SYCP2: variants seen among roughly 807,000 people sequenced by gnomAD.
The protein encoded by SYCP2 is synaptonemal complex lateral element protein.
In SYCP2, 55 loss-of-function variants were observed where a neutral mutation model predicts 211.3. The observed-to-expected ratio is 0.26, with a 90% CI of 0.21 to 0.33. The LOEUF (loss-of-function observed/expected upper bound fraction) is 0.33, where lower values mean the gene tolerates loss of function less well. Ranked by LOEUF, SYCP2 falls within the 10% of genes least tolerant of loss-of-function variation. SYCP2 has a pLI of 1.00. For synonymous variants in SYCP2, 570 were observed against 555.2 expected (o/e 1.03, Z -0.37); for missense variants, 1,731 against 1,752.0 (o/e 0.99, Z 0.21).
chr20:59,916,339 G>C (rs967095956), intron 8 of SYCP2, 147 bp downstream of exon 8: 1 of 582,678 alleles, frequency 1.7e-6, no homozygotes, highest in Admixed American at 3.1e-5. Context: ...TAAGTATTTC[G>C]GAAATATGTC....
At chr20:59,917,735 T>A (rs2060469639) in intron 7 of SYCP2, among the ~76,000 whole-genome samples, 1 of 152,214 alleles carries the variant, frequency 6.6e-6, no homozygotes, top group African/African-American at 2.4e-5. Context: ...TCTTCTTCAA[T>A]CAACACAGAG....
intron 17 of SYCP2, 34 bp downstream of exon 17, chr20:59,900,710 C>T (rs2060099298): frequency 3.2e-6 from 5 of 1,540,080 alleles, no homozygotes; most frequent in African/African-American, 1.4e-5. Context: ...TAAACTTAGC[C>T]CAGTGATAAA....
At chr20:59,907,198 T>A (rs1023064397) in intron 15 of SYCP2, among the ~76,000 whole-genome samples, 166 bp downstream of exon 15, 1 of 152,084 alleles carries the variant, frequency 6.6e-6, no homozygotes, top group African/African-American at 2.4e-5. Flanking sequence ...GCTGGGAGAT[T>A]AGTAGGGAAA....
rs772278883 is a variant in SYCP2, at chr20:59,893,182, T to C, written c.1753A>G (p.Ile585Val). The C allele has an allele frequency of 2.4e-5, 38 of 1,602,640 alleles. No homozygotes were observed. Among genetic ancestry groups the C allele is most frequent in the Middle Eastern group, 3.5e-4 (2 of 5,738 alleles). The change falls in exon 22 of 45, where the codon ATA becomes GTA. Residue 585 changes from isoleucine (I) to valine (V), a missense_variant. Transcript: ENST00000357552. ...TTTTCCGCTGCCTGTGAATCTGGTA[T>C]AACATCCTGGAGTTCACCTAAATAA... ...NQNFSELQDV[I>V]PDSQAAEKRD...
intron 12 of SYCP2, among the ~76,000 whole-genome samples, chr20:59,913,465 G>A (rs1254784540): frequency 2.0e-5 from 3 of 151,772 alleles, no homozygotes; most frequent in South Asian, 2.1e-4. Flanking sequence ...TTTTTCTGTC[G>A]TTATAAAAAA....
At chr20:59,907,276 A>G in intron 15 of SYCP2, 88 bp downstream of exon 15, 1 of 807,944 alleles carries the variant, frequency 1.2e-6, no homozygotes, top group South Asian at 1.6e-5. Flanking sequence ...TGCTTTCATT[A>G]GTCTGTTTTG....
intron 1 of SYCP2, chr20:59,933,179 G>A (rs1000248144): frequency 2.0e-5 from 3 of 152,128 alleles, no homozygotes; most frequent in Admixed American, 6.6e-5. Flanking sequence ...GACGCGCGCA[G>A]CCCCAGGCCT....
At chr20:59,878,138 A>G (rs1212467559) in intron 31 of SYCP2, 93 bp from the exon 32 acceptor site, 7 of 921,754 alleles carry the variant, frequency 7.6e-6, no homozygotes, top group Non-Finnish European at 1.2e-5. Flanking sequence ...TTAAATTAAA[A>G]TAATAAAAAG....
At chr20:59,903,921 CAGA>C (rs900995749) in intron 15 of SYCP2, among the ~76,000 whole-genome samples, 1 of 152,028 alleles carries the variant, frequency 6.6e-6, no homozygotes, top group African/African-American at 2.4e-5. Flanking sequence ...TTTAAAAAAT[CAGA>C]AGGATTAAAA....
Position 59,911,760 on chromosome 20 carries a change from C to A in SYCP2, c.962G>T (p.Gly321Val). The A allele has an allele frequency of 6.4e-7, 1 of 1,555,396 alleles. No individual in the cohort carries two copies. Among genetic ancestry groups the A allele is most frequent in the Non-Finnish European group, 8.8e-7 (1 of 1,139,580 alleles). Residue 321 changes from glycine (G) to valine (V), a missense_variant, in exon 14 of 45, where the codon GGA (glycine) becomes GTA (valine). Transcript: ENST00000357552. Reference sequence around the variant, plus strand: ...CCAAATTAAACTTACATCATTATCTCCAGCAATGTAGAATGAGAGAGTCTG... The same window carrying A: ...CCAAATTAAACTTACATCATTATCTACAGCAATGTAGAATGAGAGAGTCTG... ...GSQTLSFYIA[G>V]DNDDHQWEAV...
chr20:59,877,857 A>G (rs1195534346), intron 32 of SYCP2, 151 bp downstream of exon 32: 1 of 661,888 alleles, frequency 1.5e-6, no homozygotes, highest in East Asian at 2.8e-5. Context: ...TATGATTTAA[A>G]AAGAAACAGG....
chr20:59,893,254 GATAGGGAGGTTAGTATAGAAATCT>G, intron 21 of SYCP2, 55 bp from the exon 22 acceptor site: 3 of 1,179,984 alleles, frequency 2.5e-6, no homozygotes, highest in Non-Finnish European at 3.7e-6. Flanking sequence ...TTGGCAGGGG[GATAGGGAGGTTAGTATAGAAATCT>G]ATAAAGGTTC....
Position 59,893,126 on chromosome 20 carries a change from G to A in SYCP2, c.1793+16C>T, listed in dbSNP as rs1045384080. The A allele has an allele frequency of 1.9e-6, 3 of 1,571,154 alleles. No individual in the cohort carries two copies. Among genetic ancestry groups the A allele is most frequent in the Admixed American group, 1.7e-5 (1 of 57,854 alleles). On this transcript the variant is annotated intron_variant, in intron 22 of 44. Coordinates refer to ENST00000357552, the MANE Select transcript of SYCP2 (RefSeq NM_014258.4). The stretch of plus-strand genomic sequence containing the variant: ...TTAGTATAGACTAAATGATTTGATG[G>A]TTTTCTCATACTTACATAGTATGAT...
chr20:59,874,976 C>G (rs544865337), intron 34 of SYCP2, among the ~76,000 whole-genome samples: 59 of 151,932 alleles, frequency 3.9e-4, no homozygotes, highest in Non-Finnish European at 8.2e-4. Flanking sequence ...AAAAAAAGCA[C>G]ATTAAAATTA....
chr20:59,889,991 T>G (rs2059873282), intron 24 of SYCP2, among the ~76,000 whole-genome samples: 1 of 151,514 alleles, frequency 6.6e-6, no homozygotes, highest in Non-Finnish European at 1.5e-5. Context: ...TGGAAGACAG[T>G]GATTCCTCAA....
intron 8 of SYCP2, 47 bp from the exon 9 acceptor site, chr20:59,915,597 C>T (rs2060424095): frequency 8.6e-7 from 1 of 1,160,028 alleles, no homozygotes; most frequent in Non-Finnish European, 1.3e-6. Flanking sequence ...TTCAGTGAAA[C>T]ACTATTAAGA....
chr20:59,930,958 A>G (rs959678015), intron 2 of SYCP2, among the ~76,000 whole-genome samples: 1 of 152,214 alleles, frequency 6.6e-6, no homozygotes, highest in Non-Finnish European at 1.5e-5. Context: ...TAAATAAGTA[A>G]AAGTCTTCAT....
At chr20:59,907,839 T>A (rs1343400582) in intron 14 of SYCP2, among the ~76,000 whole-genome samples, 1 of 152,206 alleles carries the variant, frequency 6.6e-6, no homozygotes, top group East Asian at 1.9e-4. Context: ...GATTGTCCTT[T>A]GATTTAAATA....
At position 59,866,283 on chromosome 20, in the gene SYCP2, A is replaced by G; in HGVS notation, c.4320+10T>C. 1 of 1,550,032 alleles carries G rather than the reference A, an allele frequency of 6.5e-7. No individual in the cohort carries two copies. The highest frequency in any genetic ancestry group is 8.7e-7 in the Non-Finnish European group (1 of 1,147,616). ...TTAAACTTATTTAAAAAATTTTTAA[A>G]GTAACAAACCACAAATTCCTTTTCC... On this transcript the variant is annotated intron_variant, in intron 41 of 44. Transcript: ENST00000357552.
Sources: gnomAD v4.1 joint callset for allele counts (sites outside exome capture counted in the v4.1 genomes callset) on GRCh38, gnomAD v4.1.1 for gene constraint, MANE v1.5 for transcripts, NCBI Gene and HGNC (gene_info 2026-07-23, HGNC 2026-07-21) for gene names.